The following SNX30 variants were observed in gnomAD, a reference collection of about 807,000 sequenced individuals.
The protein encoded by SNX30 is sorting nexin family member 30.
Under a neutral mutation model 46.4 loss-of-function variants are expected in SNX30, and 24 were observed. That is an observed-to-expected ratio of 0.52 (90% CI 0.37 to 0.73). The LOEUF (loss-of-function observed/expected upper bound fraction) is 0.73. Ranked by LOEUF, SNX30 falls within the 30% of genes least tolerant of loss-of-function variation. The probability of loss-of-function intolerance (pLI) is 0.00; values close to 1 mark genes in which losing one functional copy is unlikely to be tolerated. For missense variants in SNX30, 533 were observed against 555.7 expected (o/e 0.96, Z 0.41); for synonymous variants, 189 against 211.5 (o/e 0.89, Z 0.92).
At chr9:112,761,629 G>T (rs895867898) in intron 1 of SNX30, among the ~76,000 whole-genome samples, 1 of 152,152 alleles carries the variant, frequency 6.6e-6, no homozygotes, top group Non-Finnish European at 1.5e-5. Context: ...GTGTAGTGGG[G>T]GTGACTGACT....
intron 2 of SNX30, among the ~76,000 whole-genome samples, chr9:112,817,146 C>G (rs777352820): frequency 6.6e-6 from 1 of 152,042 alleles, no homozygotes; most frequent in African/African-American, 2.4e-5. Context: ...AATCTGCCCC[C>G]GAAATGAGCA....
intron 8 of SNX30, among the ~76,000 whole-genome samples, chr9:112,865,362 G>A (rs1314748581): frequency 3.3e-5 from 5 of 151,960 alleles, no homozygotes; most frequent in East Asian, 3.9e-4. Context: ...AGTGGCTCAC[G>A]CCCGTAATCC....
rs1290097728 is a variant in SNX30 at position 112,830,758 on chromosome 9, G to A, written c.493G>A (p.Val165Met). Residue 165 changes from valine (V) to methionine (M), a missense_variant, in exon 4 of 9, where the codon GTG (valine) becomes ATG (methionine). Physicochemically the swap from Val to Met is conservative, Grantham distance 21. Coordinates refer to ENST00000374232, the MANE Select transcript of SNX30 (RefSeq NM_001012994.2). ...CGAGAAGTTTGTGGTAAAAGGTGTTGTGGATCGTTTTTCAGAAGAGTTTGT... is the reference window on the plus strand; with the variant it reads ...CGAGAAGTTTGTGGTAAAAGGTGTTATGGATCGTTTTTCAGAAGAGTTTGT... ...LPEKFVVKGVVDRFSEEFVET... is the reference protein window; with the variant it reads ...LPEKFVVKGVMDRFSEEFVET... The A allele has an allele frequency of 3.1e-6, 5 of 1,613,180 alleles. No homozygotes were observed. The highest frequency in any genetic ancestry group is 1.7e-5 in the Admixed American group (1 of 59,806).
chr9:112,772,299 G>GAC (rs777977312), intron 1 of SNX30, among the ~76,000 whole-genome samples: 7 of 152,210 alleles, frequency 4.6e-5, no homozygotes, highest in Non-Finnish European at 7.3e-5. Flanking sequence ...GGATTAGACT[G>GAC]ACACCTCTTT....
At chr9:112,811,573 C>G (rs1248665599) in intron 2 of SNX30, among the ~76,000 whole-genome samples, 2 of 152,042 alleles carry the variant, frequency 1.3e-5, no homozygotes, top group Non-Finnish European at 2.9e-5. Flanking sequence ...AAAAAAATTT[C>G]CAGGGATGTC....
intron 4 of SNX30, among the ~76,000 whole-genome samples, chr9:112,834,469 A>AC (rs1840716801): frequency 6.6e-6 from 1 of 152,188 alleles, no homozygotes; most frequent in African/African-American, 2.4e-5. Context: ...CACAAAGGAT[A>AC]CAGATGAAGA....
chr9:112,807,772 C>T lies in SNX30; in HGVS notation c.348+2805C>T, dbSNP rs762688254. Among the ~76,000 whole-genome samples the T allele has an allele frequency of 7.2e-5, 11 of 152,324 alleles. No homozygotes were observed. The East Asian group carries it at 7.7e-4, about 11-fold the overall frequency. On this transcript the variant is annotated intron_variant, in intron 2 of 8. Coordinates refer to ENST00000374232, the MANE Select transcript of SNX30 (RefSeq NM_001012994.2). ...TCCCATTAACTGATTGAGAGGCTAA[C>T]GCGCAACTGCAACTCACCAGTCTTT... is the stretch of plus-strand genomic sequence containing the variant.
At chr9:112,806,766 T>C (rs2131405196) in intron 2 of SNX30, among the ~76,000 whole-genome samples, 1 of 151,166 alleles carries the variant, frequency 6.6e-6, no homozygotes, top group Non-Finnish European at 1.5e-5. Flanking sequence ...AAAGCAACCA[T>C]GGCTAAAATT....
chr9:112,750,753 G>A (rs546936636), upstream of SNX30: 3 of 152,374 alleles, frequency 2.0e-5, no homozygotes, highest in African/African-American at 4.9e-5. Flanking sequence ...TGTGTGGGCT[G>A]GGCGCCGCGG....
In SNX30 at chr9:112,872,884, G is replaced by C. The variant is rs1324413018; in HGVS notation, c.*4041G>C. The C allele has an allele frequency of 6.6e-6, 1 of 152,244 alleles. No homozygotes were observed. The highest frequency in any genetic ancestry group is 1.9e-4 in the East Asian group (1 of 5,190). 9.4% of individuals were successfully genotyped at this position (152,244 alleles called of 1,614,324 possible). ...GAGGAAAATGTTCTCTCCTGGGCCA[G>C]CCTCACAGCTTGCGTTGGGTGTGTT... On this transcript the variant is annotated 3_prime_UTR_variant, in exon 9 of 9. Transcript: ENST00000374232.
At chr9:112,774,969 C>G in intron 1 of SNX30, among the ~76,000 whole-genome samples, 1 of 151,118 alleles carries the variant, frequency 6.6e-6, no homozygotes, top group East Asian at 1.9e-4. Flanking sequence ...CTCAGCCTCC[C>G]CAGTAGCTGG....
intron 8 of SNX30, among the ~76,000 whole-genome samples, chr9:112,868,273 A>G (rs1175566811): frequency 6.6e-6 from 1 of 152,176 alleles, no homozygotes; most frequent in East Asian, 1.9e-4. Context: ...CCCTTTTGAG[A>G]GATTCAGGTG....
chr9:112,820,548 A>G (rs569849539), intron 3 of SNX30, among the ~76,000 whole-genome samples: 2 of 152,332 alleles, frequency 1.3e-5, no homozygotes, highest in Non-Finnish European at 1.5e-5. Flanking sequence ...TTGAGATTAT[A>G]TAACATATAA....
Position 112,870,609 on chromosome 9 carries a change from C to T in SNX30, c.*1766C>T, listed in dbSNP as rs1841430446. Reference sequence around the variant, plus strand: ...CAGTTTGGTACAGTTAGAAATGACTCATTGATGCGGACAGGTAAGAACAAC... The same window carrying T: ...CAGTTTGGTACAGTTAGAAATGACTTATTGATGCGGACAGGTAAGAACAAC... On this transcript the variant is annotated 3_prime_UTR_variant, in exon 9 of 9. Coordinates refer to ENST00000374232, the MANE Select transcript of SNX30 (RefSeq NM_001012994.2). 6.6e-6 allele frequency: 1 copy of T among 152,282 alleles called. No individual in the cohort carries two copies. The highest frequency in any genetic ancestry group is 2.1e-4 in the South Asian group (1 of 4,836). 9.4% of individuals were successfully genotyped at this position (152,282 alleles called of 1,614,324 possible).
chr9:112,792,269 C>T (rs1840038517), intron 1 of SNX30, among the ~76,000 whole-genome samples: 1 of 152,128 alleles, frequency 6.6e-6, no homozygotes, highest in Admixed American at 6.5e-5. Flanking sequence ...TATTTAATTT[C>T]ACCTTGATCA....
chr9:112,771,099 C>G (rs1278648070), intron 1 of SNX30, among the ~76,000 whole-genome samples: 1 of 70,536 alleles, frequency 1.4e-5, no homozygotes, highest in Non-Finnish European at 3.0e-5. Flanking sequence ...CTTCGCAGAA[C>G]TTAAACCACC....
chr9:112,814,245 T>C (rs1185263880), intron 2 of SNX30, among the ~76,000 whole-genome samples: 2 of 152,192 alleles, frequency 1.3e-5, no homozygotes, highest in African/African-American at 4.8e-5. Flanking sequence ...TATTTTTATT[T>C]TTATTTATTT....
rs1173731290 is a variant in SNX30 at position 112,820,786 on chromosome 9, C to T, written c.459+2971C>T. ...TTCATGTAAGTGAAATGATACACAA[C>T]GTGATTTTTTTTGTTACTGGGTTTT... On this transcript the variant is annotated intron_variant, in intron 3 of 8. Transcript: ENST00000374232. Among the ~76,000 whole-genome samples, 4 of 152,232 alleles carry T rather than the reference C, an allele frequency of 2.6e-5. No homozygotes were observed. The East Asian group carries it at 7.7e-4, about 29-fold the overall frequency.
intron 7 of SNX30, among the ~76,000 whole-genome samples, chr9:112,851,645 A>G (rs1841029378): frequency 6.6e-6 from 1 of 152,214 alleles, no homozygotes; most frequent in African/African-American, 2.4e-5. Context: ...AGGAATTGTA[A>G]TGGAGAAAGA....
Sources: gnomAD v4.1 joint callset for allele counts (sites outside exome capture counted in the v4.1 genomes callset) on GRCh38, gnomAD v4.1.1 for gene constraint, MANE v1.5 for transcripts, NCBI Gene and HGNC (gene_info 2026-07-23, HGNC 2026-07-21) for gene names.